The following ARHGAP10 variants were observed in gnomAD, a reference collection of about 807,000 sequenced individuals.
ARHGAP10 encodes Rho GTPase activating protein 10, also known as rho GTPase-activating protein 10.
Under a neutral mutation model 108.6 loss-of-function variants are expected in ARHGAP10, and 87 were observed. The observed-to-expected ratio is 0.80, with a 90% CI of 0.67 to 0.96. The LOEUF (loss-of-function observed/expected upper bound fraction) is 0.96, where lower values mean the gene tolerates loss of function less well. ARHGAP10 is among the 40% of genes least tolerant of loss of function. ARHGAP10 has a pLI of 0.00. For missense variants in ARHGAP10, 939 were observed against 954.5 expected (o/e 0.98, Z 0.21); for synonymous variants, 347 against 341.1 (o/e 1.02, Z -0.19).
At chr4:147,869,347 G>C (rs1349901879) in intron 7 of ARHGAP10, among the ~76,000 whole-genome samples, 1 of 152,130 alleles carries the variant, frequency 6.6e-6, no homozygotes, top group African/African-American at 2.4e-5. Flanking sequence ...TAACACACCT[G>C]TTGGGGGGGC....
intron 5 of ARHGAP10, 124 bp from the exon 6 acceptor site, chr4:147,864,722 C>A: frequency 1.4e-6 from 1 of 717,466 alleles, no homozygotes; most frequent in Non-Finnish European, 2.3e-6. Flanking sequence ...TGTTGCAATA[C>A]TTTATTTACA....
intron 19 of ARHGAP10, among the ~76,000 whole-genome samples, chr4:148,037,151 T>C (rs182855878): frequency 6.6e-6 from 1 of 152,230 alleles, no homozygotes; most frequent in East Asian, 1.9e-4. Context: ...AGATGCAAAA[T>C]CAAAATTTTG....
intron 18 of ARHGAP10, among the ~76,000 whole-genome samples, chr4:147,979,457 T>C (rs1332439311): frequency 6.6e-6 from 1 of 152,146 alleles, no homozygotes; most frequent in Non-Finnish European, 1.5e-5. Flanking sequence ...ATTGTAGCCT[T>C]GTAGTATTGT....
intron 10 of ARHGAP10, among the ~76,000 whole-genome samples, chr4:147,882,501 A>G (rs1051680877): frequency 6.6e-6 from 1 of 150,952 alleles, no homozygotes; most frequent in Non-Finnish European, 1.5e-5. Flanking sequence ...TTCATTGTTG[A>G]TCCAAGCCTA....
rs112095776 is a variant in ARHGAP10, at chr4:147,741,792, GCACACACACACACA to G, written c.154+9361_154+9374del. Among the ~76,000 whole-genome samples, 6 of 57,664 alleles carry G rather than the reference GCACACACACACACA, an allele frequency of 1.0e-4. 1 individual carries two copies. The highest frequency in any genetic ancestry group is 9.6e-4 in the South Asian group (2 of 2,076). 37.8% of individuals were successfully genotyped at this position (57,664 alleles called of 152,430 possible). ...TACACACACACACACACACACACAC[GCACACACACACACA>G]CACACACACACACACACACACACCA... is the stretch of plus-strand genomic sequence containing the variant. On this transcript the variant is annotated intron_variant, in intron 1 of 22. Transcript: ENST00000336498.
Position 147,764,410 on chromosome 4 carries a change from C to G in ARHGAP10, c.154+31955C>G, listed in dbSNP as rs1278161486. On this transcript the variant is annotated intron_variant, in intron 1 of 22. Coordinates refer to ENST00000336498, the MANE Select transcript of ARHGAP10 (RefSeq NM_024605.4). ...GGCACACCTAACACTATAGGAAGTG[C>G]CTGTTCTGTGGGAGGTGACTTTGAA... Among the ~76,000 whole-genome samples the G allele has an allele frequency of 2.6e-5, 4 of 151,950 alleles. No homozygotes were observed. The East Asian group carries it at 7.7e-4, about 29-fold the overall frequency.
At chr4:148,042,671 C>G (rs749787514) in intron 19 of ARHGAP10, among the ~76,000 whole-genome samples, 2 of 152,162 alleles carry the variant, frequency 1.3e-5, no homozygotes, top group Non-Finnish European at 2.9e-5. Flanking sequence ...GCAAACACCA[C>G]CTTGTTTGTC....
chr4:147,758,972 CAAA>C (rs748165721), intron 1 of ARHGAP10, among the ~76,000 whole-genome samples: 5 of 56,210 alleles, frequency 8.9e-5, no homozygotes, highest in Non-Finnish European at 1.4e-4. Flanking sequence ...GACTCTGTCT[CAAA>C]AAAAAAAAAA....
At chr4:147,842,463 T>C (rs536547226) in intron 3 of ARHGAP10, among the ~76,000 whole-genome samples, 4 of 152,322 alleles carry the variant, frequency 2.6e-5, no homozygotes, top group African/African-American at 9.6e-5. Context: ...ATAACCTACC[T>C]CTACTTTCTG....
At position 147,896,566 on chromosome 4, in the gene ARHGAP10, A is replaced by G. The variant is rs182636228; in HGVS notation, c.1035-10072A>G. On this transcript the variant is annotated intron_variant, in intron 10 of 22. Transcript: ENST00000336498. ...GGGATTTTTGTTTCATATTTTCTTG[A>G]TAAGTCTTGCCTAGAGGTTTATCAA... 4.2e-3 allele frequency among the ~76,000 whole-genome samples: 641 copies of G among 152,146 alleles called. 2 individuals are homozygous for G. The highest frequency in any genetic ancestry group is 5.6e-3 in the Non-Finnish European group (379 of 67,958).
chr4:147,770,602 T>G (rs1384395044), intron 1 of ARHGAP10, among the ~76,000 whole-genome samples: 1 of 152,142 alleles, frequency 6.6e-6, no homozygotes, highest in African/African-American at 2.4e-5. Flanking sequence ...TCATGTGGTG[T>G]TATGAAAAAA....
At chr4:147,924,680 G>A (rs1737387580) in intron 13 of ARHGAP10, among the ~76,000 whole-genome samples, 1 of 152,280 alleles carries the variant, frequency 6.6e-6, no homozygotes, top group African/African-American at 2.4e-5. Flanking sequence ...TTAGCATAGT[G>A]GTGAAGAACA....
chr4:147,820,993 A>G (rs929147351), intron 1 of ARHGAP10, among the ~76,000 whole-genome samples: 13 of 152,180 alleles, frequency 8.5e-5, no homozygotes, highest in African/African-American at 3.1e-4. Context: ...CATTTATTCC[A>G]TTGTGCGCTT....
chr4:147,811,934 G>C (rs1732037633), intron 1 of ARHGAP10, among the ~76,000 whole-genome samples: 2 of 152,176 alleles, frequency 1.3e-5, no homozygotes, highest in Admixed American at 1.3e-4. Context: ...AAGCAAGGTG[G>C]GGGATACCTG....
At chr4:147,925,139 A>G (rs1380818648) in intron 13 of ARHGAP10, among the ~76,000 whole-genome samples, 2 of 152,148 alleles carry the variant, frequency 1.3e-5, no homozygotes, top group Non-Finnish European at 1.5e-5. Flanking sequence ...AGATATCCTG[A>G]GCAGTAAAAT....
At chr4:147,941,939 CTGAT>C (rs956007907) in intron 14 of ARHGAP10, among the ~76,000 whole-genome samples, 29 of 151,914 alleles carry the variant, frequency 1.9e-4, no homozygotes, top group African/African-American at 6.8e-4. Context: ...ATATTGAACA[CTGAT>C]TGAGTGTTCA....
At chr4:147,732,721 T>C (rs1030291659) in intron 1 of ARHGAP10, among the ~76,000 whole-genome samples, 5 of 152,066 alleles carry the variant, frequency 3.3e-5, no homozygotes, top group African/African-American at 9.7e-5. Flanking sequence ...GGGCCCCGCC[T>C]GGCCCCGGCC....
At chr4:147,759,704 T>C (rs1389503339) in intron 1 of ARHGAP10, among the ~76,000 whole-genome samples, 1 of 152,140 alleles carries the variant, frequency 6.6e-6, no homozygotes. Context: ...TTTTGCATGC[T>C]CTTTTTTTCA....
At chr4:148,049,787 A>G (rs912006123) in intron 20 of ARHGAP10, among the ~76,000 whole-genome samples, 5 of 139,622 alleles carry the variant, frequency 3.6e-5, no homozygotes, top group Admixed American at 2.4e-4. Flanking sequence ...AAGCTAGATC[A>G]TAAAATTGTT....
Sources: gnomAD v4.1 joint callset for allele counts (sites outside exome capture counted in the v4.1 genomes callset) on GRCh38, gnomAD v4.1.1 for gene constraint, MANE v1.5 for transcripts, NCBI Gene and HGNC (gene_info 2026-07-23, HGNC 2026-07-21) for gene names.